Variants in ERICH3 observed in about 807,000 individuals in gnomAD.
ERICH3 encodes the protein glutamate rich 3.
A neutral mutation model predicts 131.1 loss-of-function variants in ERICH3; 126 were observed. That is an observed-to-expected ratio of 0.96 (90% CI 0.83 to 1.11). ERICH3 has a LOEUF of 1.11. ERICH3 is among the 50% of genes most tolerant of loss of function. The pLI is 0.00. For missense variants in ERICH3, 2,050 were observed against 1,810.7 expected, an observed-to-expected ratio of 1.13 and a Z score of -2.40; for synonymous variants, 695 against 644.6, an observed-to-expected ratio of 1.08 and a Z score of -1.18.
chr1:74,636,322 T>G lies in ERICH3; in HGVS notation c.561A>C (p.Ser187=). The change falls in exon 6 of 15, where the codon TCA becomes TCC. Residue 187 remains serine (S), a synonymous_variant. Transcript: ENST00000326665. Reference sequence around the variant, plus strand: ...CTTCATTTTCCAGCAATGAGGTTTTTGATCTGGACCTTGAAGTTACCTTTG... The same window carrying G: ...CTTCATTTTCCAGCAATGAGGTTTTGGATCTGGACCTTGAAGTTACCTTTG... ...TVPKVTSRSR[S]KTSLLENEAL... is the part of the protein sequence containing the mutation. The G allele has an allele frequency of 6.2e-7, 1 of 1,610,690 alleles. No individual in the cohort carries two copies. Among genetic ancestry groups the G allele is most frequent in the East Asian group, 2.2e-5 (1 of 44,820 alleles).
At chr1:74,570,587 C>T (rs3845352) in intron 14 of ERICH3, 148 bp from the exon 15 acceptor site, 79,810 of 152,180 alleles carry the variant, frequency 0.52, 21,352 homozygotes, top group African/African-American at 0.58. Flanking sequence ...GATTTATATA[C>T]TTAAATATTT....
At position 74,571,936 on chromosome 1, in the gene ERICH3, A is replaced by G. The variant is rs1646956370; in HGVS notation, c.3774T>C (p.Ala1258=). 6.2e-7 allele frequency: 1 copy of G among 1,613,264 alleles called. No individual in the cohort carries two copies. Among genetic ancestry groups the G allele is most frequent in the African/African-American group, 1.3e-5 (1 of 74,992 alleles). ...CGACATCCACTCCTCCTTGCCCTTCAGCTCTCCCCTCCAGTCCTGCGCAGG... is the reference window on the plus strand; with the variant it reads ...CGACATCCACTCCTCCTTGCCCTTCGGCTCTCCCCTCCAGTCCTGCGCAGG... ...HDSCAGLEGR[A]EGQGGVDVVL... is the part of the protein sequence containing the mutation. Residue 1258 remains alanine, a synonymous_variant, in exon 14 of 15, where the codon GCT becomes GCC. Coordinates refer to ENST00000326665, the MANE Select transcript of ERICH3 (RefSeq NM_001002912.5).
At chr1:74,671,595 G>A (rs538375687) in intron 1 of ERICH3, among the ~76,000 whole-genome samples, 8 of 152,148 alleles carry the variant, frequency 5.3e-5, no homozygotes, top group East Asian at 1.9e-4. Context: ...TATTGGGGGC[G>A]GGTTCCCCCA....
At position 74,649,212 on chromosome 1, in the gene ERICH3, C is replaced by G; in HGVS notation, c.117+10G>C. On this transcript the variant is annotated intron_variant, in intron 2 of 14. Transcript: ENST00000326665. ...ACAAGAAGGTCAGTGGAAAGTAAAC[C>G]AAAACTTACCAGTCCTGATCTTAAG... The G allele has an allele frequency of 6.3e-7, 1 of 1,588,482 alleles. No homozygotes were observed. The highest frequency in any genetic ancestry group is 8.6e-7 in the Non-Finnish European group (1 of 1,165,664).
At chr1:74,659,178 G>A (rs1361201802) in intron 1 of ERICH3, among the ~76,000 whole-genome samples, 4 of 152,202 alleles carry the variant, frequency 2.6e-5, no homozygotes, top group Non-Finnish European at 4.4e-5. Context: ...GGGCAGGCGC[G>A]GGAACTTACA....
intron 1 of ERICH3, among the ~76,000 whole-genome samples, chr1:74,664,405 C>G (rs1489222611): frequency 6.6e-6 from 1 of 151,614 alleles, no homozygotes. Context: ...TTATTTCAAT[C>G]TAAACAACAG....
chr1:74,672,175 C>A (rs1430156594), intron 1 of ERICH3, among the ~76,000 whole-genome samples: 2 of 152,152 alleles, frequency 1.3e-5, no homozygotes, highest in Non-Finnish European at 2.9e-5. Context: ...CATAGGAAGA[C>A]AACCATGACT....
At chr1:74,592,780 C>T (rs1557673832) in intron 11 of ERICH3, among the ~76,000 whole-genome samples, 1 of 152,136 alleles carries the variant, frequency 6.6e-6, no homozygotes, top group African/African-American at 2.4e-5. Flanking sequence ...TTCTCCCTAA[C>T]CTCATGCTAT....
rs1356889222 is a variant in ERICH3, at chr1:74,612,674, T to C, written c.1136A>G (p.Lys379Arg). ...KHRKGSRLGG[K>R]RGYFGFVCVE... ...ACACACAAACCCAAAGTAGCCTCGT[T>C]TGCCTCCAAGCCTGGAACCTTTCCG... is the stretch of plus-strand genomic sequence containing the variant. Residue 379 changes from lysine (K) to arginine (R), a missense_variant, in exon 9 of 15, where the codon AAA becomes AGA. Coordinates refer to ENST00000326665, the MANE Select transcript of ERICH3 (RefSeq NM_001002912.5). The C allele has an allele frequency of 6.3e-7, 1 of 1,593,452 alleles. No homozygotes were observed. Among genetic ancestry groups the C allele is most frequent in the South Asian group, 1.1e-5 (1 of 88,940 alleles).
intron 1 of ERICH3, among the ~76,000 whole-genome samples, chr1:74,654,248 C>T (rs1375364139): frequency 6.6e-6 from 1 of 152,056 alleles, no homozygotes; most frequent in Non-Finnish European, 1.5e-5. Context: ...CAGAGCTCTT[C>T]CAGCCTCCAC....
At chr1:74,577,112 T>A (rs72984958) in intron 12 of ERICH3, 176 bp from the exon 13 acceptor site, 1 of 541,928 alleles carries the variant, frequency 1.8e-6, no homozygotes, top group Admixed American at 3.4e-5. Context: ...TATTGTATAA[T>A]CTAATGTTCT....
At chr1:74,665,281 C>G (rs571014023) in intron 1 of ERICH3, among the ~76,000 whole-genome samples, 2 of 151,748 alleles carry the variant, frequency 1.3e-5, no homozygotes, top group Non-Finnish European at 2.9e-5. Context: ...GTCTCTTGGG[C>G]TCCCCAACCT....
intron 5 of ERICH3, among the ~76,000 whole-genome samples, chr1:74,636,684 T>A (rs1048154830): frequency 6.6e-6 from 1 of 152,190 alleles, no homozygotes; most frequent in African/African-American, 2.4e-5. Flanking sequence ...AAAGGAGATG[T>A]CCTCCATTAC....
At chr1:74,627,996 A>G (rs769128892) in intron 7 of ERICH3, among the ~76,000 whole-genome samples, 15 of 152,176 alleles carry the variant, frequency 9.9e-5, no homozygotes, top group Non-Finnish European at 1.6e-4. Context: ...GTAAACAAAT[A>G]TAAAGATGCA....
chr1:74,647,237 C>A (rs1457960184), intron 2 of ERICH3, among the ~76,000 whole-genome samples: 2 of 151,944 alleles, frequency 1.3e-5, no homozygotes, highest in Non-Finnish European at 2.9e-5. Context: ...GAACACTTTC[C>A]TGAAGGAAGG....
intron 6 of ERICH3, among the ~76,000 whole-genome samples, chr1:74,633,500 A>T (rs578187837): frequency 1.3e-5 from 2 of 151,994 alleles, no homozygotes; most frequent in Non-Finnish European, 2.9e-5. Flanking sequence ...GCATCAATCA[A>T]TTACATGCCT....
chr1:74,668,990 G>A (rs551119071), intron 1 of ERICH3, among the ~76,000 whole-genome samples: 3 of 152,232 alleles, frequency 2.0e-5, no homozygotes, highest in Non-Finnish European at 4.4e-5. Context: ...GGCAAGAAAC[G>A]TATGCTACTT....
At position 74,572,762 on chromosome 1, in the gene ERICH3, T is replaced by C. The variant is rs969942912; in HGVS notation, c.2948A>G (p.Glu983Gly). The C allele has an allele frequency of 2.5e-6, 4 of 1,613,896 alleles. No individual in the cohort carries two copies. The highest frequency in any genetic ancestry group is 1.6e-4 in the Middle Eastern group (1 of 6,084). ...TTCTGTTCTCATAACCTCTTTTCTC[T>C]CTTTGGCTGGTTCCTCTCCCCCAAG... ...AILGGEEPAK[E>G]RKEVMRTETR... is the part of the protein sequence containing the mutation. Residue 983 changes from glutamate to glycine, a missense_variant, in exon 14 of 15, where the codon GAG becomes GGG. Physicochemically the swap from Glu to Gly is moderately conservative, Grantham distance 98. Transcript: ENST00000326665.
At chr1:74,657,769 C>T (rs569261463) in intron 1 of ERICH3, among the ~76,000 whole-genome samples, 2 of 152,194 alleles carry the variant, frequency 1.3e-5, no homozygotes, top group African/African-American at 4.8e-5. Flanking sequence ...AGGCCGGAGA[C>T]ACACTAAGTT....
Sources: allele counts gnomAD v4.1 joint callset (sites outside exome capture counted in the v4.1 genomes callset), GRCh38; gene constraint gnomAD v4.1.1; transcripts MANE v1.5; gene names NCBI Gene and HGNC (gene_info 2026-07-23, HGNC 2026-07-21).